Variants in RIMS1 observed in about 807,000 individuals in gnomAD.
The protein encoded by RIMS1 is regulating synaptic membrane exocytosis 1.
A neutral mutation model predicts 214.1 loss-of-function variants in RIMS1; 83 were observed. That is an observed-to-expected ratio of 0.39 (90% CI 0.32 to 0.47). The LOEUF (loss-of-function observed/expected upper bound fraction) is 0.47. Ranked by LOEUF, RIMS1 falls within the 20% of genes least tolerant of loss-of-function variation. RIMS1 has a pLI of 0.99. For missense variants in RIMS1, 2,050 were observed against 2,161.8 expected, an observed-to-expected ratio of 0.95 and a Z score of 1.03; for synonymous variants, 793 against 786.8, an observed-to-expected ratio of 1.01 and a Z score of -0.13.
At chr6:72,020,114 T>C (rs756865989) in intron 2 of RIMS1, among the ~76,000 whole-genome samples, 6 of 152,204 alleles carry the variant, frequency 3.9e-5, no homozygotes, top group Non-Finnish European at 5.9e-5. Flanking sequence ...TAATTACACT[T>C]ATTTGGAATA....
chr6:72,148,767 C>A, intron 4 of RIMS1: 1 of 406,912 alleles, frequency 2.5e-6, no homozygotes, highest in Non-Finnish European at 4.8e-6. Context: ...GAGTTTGGGA[C>A]AAAAAGGTGC....
chr6:72,231,310 CAA>C (rs2061884432), intron 6 of RIMS1, among the ~76,000 whole-genome samples: 1 of 151,298 alleles, frequency 6.6e-6, no homozygotes, highest in African/African-American at 2.4e-5. Flanking sequence ...AGTCTTTAAG[CAA>C]AAGTGTTATA....
chr6:72,078,658 G>A (rs1478803152), intron 2 of RIMS1, among the ~76,000 whole-genome samples: 1 of 151,732 alleles, frequency 6.6e-6, no homozygotes, highest in African/African-American at 2.4e-5. Context: ...CCTAGACTTA[G>A]GAGAAGCAAA....
At chr6:72,292,252 A>G (rs2093500248) in intron 26 of RIMS1, among the ~76,000 whole-genome samples, 1 of 152,132 alleles carries the variant, frequency 6.6e-6, no homozygotes, top group African/African-American at 2.4e-5. Flanking sequence ...GTTTTGCTGG[A>G]TGATTGAATT....
chr6:72,261,131 G>A (rs2154161616), intron 19 of RIMS1: 1 of 1,070,900 alleles, frequency 9.3e-7, no homozygotes, highest in South Asian at 2.9e-5. Context: ...GGTCTAATCT[G>A]TGTATGGCAG....
At chr6:71,931,594 C>CTT (rs968326549) in intron 1 of RIMS1, among the ~76,000 whole-genome samples, 1 of 148,092 alleles carries the variant, frequency 6.8e-6, no homozygotes, top group Admixed American at 6.7e-5. Context: ...TAATAGGGTT[C>CTT]TTTTTTTTTT....
intron 29 of RIMS1, among the ~76,000 whole-genome samples, chr6:72,371,555 A>T (rs1368503118): frequency 6.6e-6 from 1 of 152,206 alleles, no homozygotes. Context: ...TGTGAAGTAT[A>T]CCCTGAAAAG....
intron 1 of RIMS1, among the ~76,000 whole-genome samples, chr6:71,926,974 C>A (rs1240627047): frequency 6.6e-6 from 1 of 152,120 alleles, no homozygotes; most frequent in Admixed American, 6.6e-5. Context: ...GCAAACCAAG[C>A]TATATCCTGA....
chr6:72,380,223 A>AC (rs1417514404), intron 29 of RIMS1, among the ~76,000 whole-genome samples: 3 of 152,238 alleles, frequency 2.0e-5, no homozygotes, highest in Non-Finnish European at 4.4e-5. Flanking sequence ...CAGGGTGGGG[A>AC]ACGTCACACA....
intron 1 of RIMS1, among the ~76,000 whole-genome samples, chr6:71,952,454 T>C (rs1320044355): frequency 6.6e-6 from 1 of 152,182 alleles, no homozygotes; most frequent in East Asian, 1.9e-4. Flanking sequence ...ATCATTCTCA[T>C]TGATACTACT....
At chr6:72,296,025 A>G (rs1364367701) in intron 26 of RIMS1, 1 of 218,746 alleles carries the variant, frequency 4.6e-6, no homozygotes, top group Non-Finnish European at 7.8e-6. Flanking sequence ...AATATAATAT[A>G]CAAGAGTTAT....
chr6:72,017,105 A>G (rs1270084818), intron 2 of RIMS1, among the ~76,000 whole-genome samples: 2 of 152,232 alleles, frequency 1.3e-5, no homozygotes, highest in Admixed American at 6.5e-5. Flanking sequence ...GGCCCGTGGT[A>G]TAGACATAGG....
In RIMS1 at chr6:72,009,536, G is replaced by C. The variant is rs184856784; in HGVS notation, c.245+40473G>C. ...TTTCAAAAAATCAATTAATCCAGGA[G>C]CTGGTTTTTTGAAAAGATCAACAAA... On this transcript the variant is annotated intron_variant, in intron 2 of 33. Coordinates refer to ENST00000521978, the MANE Select transcript of RIMS1 (RefSeq NM_014989.7). 8.6e-4 allele frequency among the ~76,000 whole-genome samples: 130 copies of C among 151,032 alleles called. 1 individual carries two copies. The highest frequency in any genetic ancestry group is 4.0e-4 in the Non-Finnish European group (27 of 67,334).
At chr6:72,343,752 A>G (rs1313772476) in intron 29 of RIMS1, among the ~76,000 whole-genome samples, 2 of 151,586 alleles carry the variant, frequency 1.3e-5, no homozygotes, top group Non-Finnish European at 2.9e-5. Context: ...TCAAAACCAT[A>G]TGGAGTTCAC....
At position 72,233,854 on chromosome 6, in the gene RIMS1, A is replaced by G. The variant is rs758971727; in HGVS notation, c.1746+14A>G. The stretch of plus-strand genomic sequence containing the variant: ...CCTATTAGTTCGGTAAGTTTTCTGG[A>G]AAGTGTGTTTGGAGTTTAGGGAATA... On this transcript the variant is annotated intron_variant, in intron 7 of 33. Coordinates refer to ENST00000521978, the MANE Select transcript of RIMS1 (RefSeq NM_014989.7). 3.2e-6 allele frequency: 5 copies of G among 1,556,954 alleles called. No individual in the cohort carries two copies. The Admixed American group carries it at 5.6e-5, about 17-fold the overall frequency.
chr6:72,375,001 T>A (rs2098334289), intron 29 of RIMS1, among the ~76,000 whole-genome samples: 1 of 152,186 alleles, frequency 6.6e-6, no homozygotes, highest in South Asian at 2.1e-4. Context: ...ACGCTGCCTC[T>A]GAGCTGTCAG....
chr6:72,045,288 A>G (rs1399995530), intron 2 of RIMS1, among the ~76,000 whole-genome samples: 1 of 151,924 alleles, frequency 6.6e-6, no homozygotes, highest in Non-Finnish European at 1.5e-5. Flanking sequence ...AAATATGATG[A>G]GTCGTATTAT....
intron 29 of RIMS1, among the ~76,000 whole-genome samples, chr6:72,371,359 C>G (rs559200405): frequency 1.8e-4 from 27 of 152,290 alleles, no homozygotes; most frequent in African/African-American, 6.3e-4. Context: ...AATAACAGTA[C>G]TCTCCTGGAG....
chr6:71,951,564 C>T (rs1177927364), intron 1 of RIMS1, among the ~76,000 whole-genome samples: 1 of 149,248 alleles, frequency 6.7e-6, no homozygotes, highest in Non-Finnish European at 1.5e-5. Flanking sequence ...AGTCATGGCT[C>T]ACTGCAGCCT....
Sources: allele counts gnomAD v4.1 joint callset (sites outside exome capture counted in the v4.1 genomes callset), GRCh38; gene constraint gnomAD v4.1.1; transcripts MANE v1.5; gene names NCBI Gene and HGNC (gene_info 2026-07-23, HGNC 2026-07-21).